Variants in GRIP1 observed in about 807,000 individuals in gnomAD.
GRIP1 encodes the protein glutamate receptor-interacting protein 1.
A neutral mutation model predicts 129.9 loss-of-function variants in GRIP1; 45 were observed. The ratio of observed to expected loss-of-function variants is 0.35; its 90% CI spans 0.27 to 0.44. GRIP1 has a LOEUF of 0.44. Among genes scored for constraint, GRIP1 ranks in the 20% least tolerant of loss-of-function variants. The pLI is 1.00. For missense variants in GRIP1, 1,196 were observed against 1,396.8 expected (o/e 0.86, Z 2.29); for synonymous variants, 530 against 520.8 (o/e 1.02, Z -0.24).
chr12:66,420,859 G>A, intron 14 of GRIP1, 70 bp from the exon 15 acceptor site: 1 of 881,412 alleles, frequency 1.1e-6, no homozygotes, highest in Non-Finnish European at 1.9e-6. Context: ...CATTTCCCCT[G>A]TTTTATAATA....
intron 1 of GRIP1, among the ~76,000 whole-genome samples, chr12:66,724,100 G>C (rs937680556): frequency 6.6e-5 from 10 of 152,166 alleles, no homozygotes; most frequent in African/African-American, 2.4e-4. Context: ...GGGAATTCAC[G>C]CTTGAGTAAT....
chr12:66,515,868 C>T, intron 6 of GRIP1, 104 bp from the exon 7 acceptor site: 1 of 887,024 alleles, frequency 1.1e-6, no homozygotes, highest in Non-Finnish European at 1.9e-6. Flanking sequence ...ATTCTGCCAT[C>T]CATCTCATTT....
In GRIP1 at chr12:66,747,159, T is replaced by C. The variant is rs890518901; in HGVS notation, c.-420+56894A>G. Among the ~76,000 whole-genome samples, 39 of 151,868 alleles carry C rather than the reference T, an allele frequency of 2.6e-4. 1 individual carries two copies. The highest frequency in any genetic ancestry group is 1.5e-4 in the Non-Finnish European group (10 of 67,982). On this transcript the variant is annotated intron_variant, in intron 1 of 4. Coordinates refer to the GRIP1 transcript ENST00000538373. ...GAAAAGAAGTGAACTGAGAAGGAAATGAACATATTAAACACTCTCAAATAA... is the reference window on the plus strand; with the variant it reads ...GAAAAGAAGTGAACTGAGAAGGAAACGAACATATTAAACACTCTCAAATAA...
chr12:67,049,511 T>C (rs1173250649), intron 1 of GRIP1, among the ~76,000 whole-genome samples: 3 of 151,922 alleles, frequency 2.0e-5, no homozygotes, highest in Non-Finnish European at 4.4e-5. Context: ...AGTTGAACAA[T>C]GAGAATACAT....
At chr12:66,834,001 C>A (rs889956881) in intron 1 of GRIP1, among the ~76,000 whole-genome samples, 42 of 152,016 alleles carry the variant, frequency 2.8e-4, no homozygotes, top group African/African-American at 8.9e-4. Context: ...AACCATGAAA[C>A]CCCGTCTCTA....
At position 67,007,484 on chromosome 12, in the gene GRIP1, C is replaced by A. The variant is rs185006037; in HGVS notation, c.58+61566G>T. On this transcript the variant is annotated intron_variant, in intron 1 of 1. Transcript: ENST00000643019. ...AAAGAAATAACTCCCCTCATCCCCC[C>A]CAAAAAACAAAGAATGAGGCAAATC... 8.6e-5 allele frequency among the ~76,000 whole-genome samples: 13 copies of A among 151,798 alleles called. No homozygotes were observed. In the East Asian group the frequency reaches 2.5e-3, roughly 29 times the overall value.
intron 1 of GRIP1, among the ~76,000 whole-genome samples, chr12:66,817,247 T>C (rs925934427): frequency 1.3e-4 from 17 of 134,680 alleles, no homozygotes; most frequent in South Asian, 2.4e-4. Context: ...CACACACATA[T>C]ATATTTCCCA....
At chr12:66,556,961 G>A (rs2062357752) in intron 2 of GRIP1, among the ~76,000 whole-genome samples, 1 of 151,928 alleles carries the variant, frequency 6.6e-6, no homozygotes, top group South Asian at 2.1e-4. Context: ...CAAAATGGCA[G>A]GAGTAAATCC....
At chr12:66,663,888 T>G (rs2033650885) in intron 1 of GRIP1, among the ~76,000 whole-genome samples, 1 of 152,204 alleles carries the variant, frequency 6.6e-6, no homozygotes. Flanking sequence ...GATCTAAGAA[T>G]GGCTGGTGCA....
intron 1 of GRIP1, among the ~76,000 whole-genome samples, chr12:66,909,303 GAAT>G (rs933935388): frequency 2.0e-5 from 3 of 152,124 alleles, no homozygotes; most frequent in African/African-American, 7.2e-5. Context: ...TGTTCTCTAT[GAAT>G]AATGAGAGAA....
intron 1 of GRIP1, among the ~76,000 whole-genome samples, chr12:67,028,916 T>G (rs1030352047): frequency 1.3e-5 from 2 of 152,172 alleles, no homozygotes; most frequent in African/African-American, 4.8e-5. Flanking sequence ...ATCTAAGCAC[T>G]AGAGACTTAG....
intron 1 of GRIP1, among the ~76,000 whole-genome samples, chr12:67,000,002 C>A (rs2042527523): frequency 6.6e-6 from 1 of 152,150 alleles, no homozygotes; most frequent in African/African-American, 2.4e-5. Context: ...TCAAAGATTT[C>A]TCTTTCTTGA....
At position 66,392,720 on chromosome 12, in the gene GRIP1, C is replaced by T. The variant is rs376068842; in HGVS notation, c.2226G>A (p.Met742Ile). Residue 742 changes from methionine to isoleucine, a missense_variant, in exon 18 of 25, where the codon ATG (methionine) becomes ATA (isoleucine). Met to Ile is a conservative substitution (Grantham distance 10). Around this residue, in one of 5 missense-constraint regions of GRIP1, gnomAD observed 28 missense variants for 78.1 expected, o/e 0.36. Coordinates refer to ENST00000359742, the MANE Select transcript of GRIP1 (RefSeq NM_001366722.1). ...PLSEAIHLLQMAGETVTLKIK... is the reference protein window; with the variant it reads ...PLSEAIHLLQIAGETVTLKIK... ...TTTTCAAGGTGACAGTCTCTCCTGC[C>T]ATCTGTAACAAATGGATGGCTTCAC... The T allele has an allele frequency of 6.2e-7, 1 of 1,614,020 alleles. No homozygotes were observed. Among genetic ancestry groups the T allele is most frequent in the Non-Finnish European group, 8.5e-7 (1 of 1,179,918 alleles).
At chr12:66,355,601 T>C (rs1018138456) in intron 23 of GRIP1, among the ~76,000 whole-genome samples, 2 of 150,876 alleles carry the variant, frequency 1.3e-5, no homozygotes, top group Non-Finnish European at 3.0e-5. Context: ...CTGGTGATGC[T>C]TAGGGAGAAG....
intron 1 of GRIP1, among the ~76,000 whole-genome samples, chr12:67,063,926 C>T (rs1372576930): frequency 6.6e-6 from 1 of 152,076 alleles, no homozygotes; most frequent in Admixed American, 6.6e-5. Context: ...TATACAATGG[C>T]TGTTAACAAT....
chr12:66,771,524 G>C (rs1032397199), intron 1 of GRIP1, among the ~76,000 whole-genome samples: 1 of 152,204 alleles, frequency 6.6e-6, no homozygotes, highest in Admixed American at 6.5e-5. Context: ...TAGGGTATAT[G>C]TTAAGGCTGA....
chr12:66,382,143 T>G (rs2056139882), intron 19 of GRIP1, among the ~76,000 whole-genome samples: 1 of 152,136 alleles, frequency 6.6e-6, no homozygotes, highest in South Asian at 2.1e-4. Context: ...GGCAAGAAGA[T>G]TGCTTAAGTC....
At chr12:67,022,737 G>A (rs764864210) in intron 1 of GRIP1, among the ~76,000 whole-genome samples, 1 of 152,032 alleles carries the variant, frequency 6.6e-6, no homozygotes, top group African/African-American at 2.4e-5. Context: ...AGCTACAAGG[G>A]GTAAAGGCGC....
chr12:66,739,234 G>A (rs1240350949), intron 1 of GRIP1, among the ~76,000 whole-genome samples: 1 of 152,048 alleles, frequency 6.6e-6, no homozygotes. Context: ...TTTCTAGTTT[G>A]ATGATGAATG....
Sources: gnomAD v4.1 joint callset for allele counts (sites outside exome capture counted in the v4.1 genomes callset) on GRCh38, gnomAD v4.1.1 for gene constraint, gnomAD v4.1.1 regional missense constraint, MANE v1.5 for transcripts, NCBI Gene and HGNC (gene_info 2026-07-23, HGNC 2026-07-21) for gene names.